The following SEM1 variants were observed in gnomAD, a reference collection of about 807,000 sequenced individuals.
SEM1 encodes the protein 26S proteasome complex subunit SEM1.
In SEM1, 3 loss-of-function variants were observed where a neutral mutation model predicts 12.7. The observed-to-expected ratio is 0.24, with a 90% CI of 0.11 to 0.61. The LOEUF is 0.61. SEM1 is among the 20% of genes least tolerant of loss of function. The pLI, the probability that SEM1 is intolerant of heterozygous loss-of-function variation, is 0.88. For synonymous variants in SEM1, 30 were observed against 27.8 expected (o/e 1.08, Z -0.25); for missense variants, 59 against 81.3 (o/e 0.73, Z 1.06).
chr7:96,572,944 T>A (rs760519619), intron 2 of SEM1, among the ~76,000 whole-genome samples: 1 of 152,316 alleles, frequency 6.6e-6, no homozygotes, highest in East Asian at 1.9e-4. Flanking sequence ...TCTAAGAACA[T>A]GCTTTATGAA....
At chr7:96,528,991 A>C (rs1804554330) in intron 2 of SEM1, among the ~76,000 whole-genome samples, 1 of 152,184 alleles carries the variant, frequency 6.6e-6, no homozygotes, top group Admixed American at 6.5e-5. Flanking sequence ...CTTAAGCAAC[A>C]CAAATGAAAC....
chr7:96,581,740 A>T (rs1386303094), intron 2 of SEM1, among the ~76,000 whole-genome samples: 2 of 151,886 alleles, frequency 1.3e-5, no homozygotes, highest in Non-Finnish European at 2.9e-5. Flanking sequence ...GCAACTGTGA[A>T]TGGGAGTTCA....
intron 2 of SEM1, among the ~76,000 whole-genome samples, chr7:96,585,706 T>G (rs1309933666): frequency 1.3e-5 from 2 of 151,278 alleles, no homozygotes; most frequent in Non-Finnish European, 2.9e-5. Context: ...AAGTGCAGTA[T>G]TCGGGTGGGA....
At chr7:96,667,728 T>G (rs1789207969) in intron 2 of SEM1, among the ~76,000 whole-genome samples, 1 of 152,184 alleles carries the variant, frequency 6.6e-6, no homozygotes, top group Admixed American at 6.5e-5. Context: ...GAGAACCACA[T>G]TGCTAAATCA....
chr7:96,666,854 C>G (rs1005352276), intron 2 of SEM1, among the ~76,000 whole-genome samples: 1 of 152,112 alleles, frequency 6.6e-6, no homozygotes, highest in Non-Finnish European at 1.5e-5. Context: ...GCACCCACCT[C>G]AGGGCTGTTC....
intron 2 of SEM1, among the ~76,000 whole-genome samples, chr7:96,600,693 A>G (rs1343612400): frequency 6.6e-6 from 1 of 152,178 alleles, no homozygotes; most frequent in Non-Finnish European, 1.5e-5. Flanking sequence ...CGGTAATGAC[A>G]TCCTGACAGG....
chr7:96,561,260 C>A (rs1272567776), intron 2 of SEM1, among the ~76,000 whole-genome samples: 2 of 152,172 alleles, frequency 1.3e-5, no homozygotes, highest in East Asian at 1.9e-4. Flanking sequence ...CAAATGAAAT[C>A]TGCAGAACTA....
chr7:96,582,887 C>T (rs573285014), intron 2 of SEM1, among the ~76,000 whole-genome samples: 3,504 of 152,120 alleles, frequency 0.023, 127 homozygotes, highest in African/African-American at 0.08. Flanking sequence ...GTCTTGCTAG[C>T]GATCTATCAA....
intron 2 of SEM1, among the ~76,000 whole-genome samples, chr7:96,662,546 C>A (rs1484705976): frequency 1.3e-5 from 2 of 152,090 alleles, no homozygotes; most frequent in African/African-American, 4.8e-5. Context: ...GGAGGCAGAG[C>A]ATTAGGAGAA....
At chr7:96,580,995 T>C (rs918109705) in intron 2 of SEM1, among the ~76,000 whole-genome samples, 32 of 152,242 alleles carry the variant, frequency 2.1e-4, no homozygotes, top group Admixed American at 5.9e-4. Flanking sequence ...TTGTCAATTT[T>C]GTCTTTTGTT....
At chr7:96,483,740 G>A in exon 4 of SEM1, 2 of 1,313,170 alleles carry the variant, frequency 1.5e-6, no homozygotes, top group East Asian at 2.5e-5. Flanking sequence ...AAGCTAGGAA[G>A]TATAGTTCTA....
intron 2 of SEM1, among the ~76,000 whole-genome samples, chr7:96,594,717 T>C (rs894544924): frequency 1.3e-5 from 2 of 152,190 alleles, no homozygotes; most frequent in African/African-American, 4.8e-5. Context: ...AGAATTTCTT[T>C]TCAGTATTCT....
chr7:96,622,004 C>A (rs1807908419), downstream of SEM1: 1 of 152,298 alleles, frequency 6.6e-6, no homozygotes, highest in Admixed American at 6.5e-5. Flanking sequence ...ACCAGTTACC[C>A]TCAGAGGGGA....
rs572251207 is a variant in SEM1, at chr7:96,673,532, C to T, written c.*228G>A. On this transcript the variant is annotated 3_prime_UTR_variant, in exon 3 of 3. Coordinates refer to the SEM1 transcript ENST00000413065. Reference sequence around the variant, plus strand: ...CTACAGGAAGTATCATAATCTCTTACTACCCAACAATACTGCAGTATGCTA... The same window carrying T: ...CTACAGGAAGTATCATAATCTCTTATTACCCAACAATACTGCAGTATGCTA... 5.7e-6 allele frequency: 3 copies of T among 529,736 alleles called. No homozygotes were observed. In the South Asian group the frequency reaches 7.8e-5, roughly 14 times the overall value. The allele number at this position is 529,736 out of a possible 1,614,324, so 32.8% of individuals were successfully genotyped here. A position where few individuals can be genotyped will look rare whatever the true frequency, so the allele number is the denominator to read the frequency against.
rs959657345 is a variant in SEM1, at chr7:96,639,741, T to TA, written c.171-17099dup. ...ACTGATAAGCTGAACTTCATTAAAA[T>TA]AAAAAAAAATTCTGTTCTGTAAAAT... On this transcript the variant is annotated intron_variant, in intron 2 of 2. Transcript: ENST00000417009. Among the ~76,000 whole-genome samples the TA allele has an allele frequency of 2.4e-4, 36 of 150,848 alleles. 1 individual carries two copies. Among genetic ancestry groups the TA allele is most frequent in the Middle Eastern group, 3.2e-3 (1 of 316 alleles).
At chr7:96,705,682 T>C (rs924704151) in intron 1 of SEM1, among the ~76,000 whole-genome samples, 1 of 151,770 alleles carries the variant, frequency 6.6e-6, no homozygotes, top group Non-Finnish European at 1.5e-5. Context: ...TAGCCGGGCG[T>C]GGTGACGGGC....
chr7:96,615,660 AG>A (rs1486637641), intron 2 of SEM1, among the ~76,000 whole-genome samples: 2 of 152,366 alleles, frequency 1.3e-5, no homozygotes, highest in East Asian at 3.9e-4. Flanking sequence ...ATTGCGTAGT[AG>A]AGAAGCCTTG....
At chr7:96,648,023 T>A (rs760761833) in intron 2 of SEM1, among the ~76,000 whole-genome samples, 6 of 152,198 alleles carry the variant, frequency 3.9e-5, no homozygotes, top group Non-Finnish European at 7.3e-5. Flanking sequence ...GCTGAAAGGA[T>A]CTTAAGTGTA....
In SEM1 at chr7:96,640,482, A is replaced by G. The variant is rs1389976745; in HGVS notation, c.171-17839T>C. ...TGAAGGAAGCTCATCTGAAAATGCC[A>G]CATACTGTATGATTCCAACTATATG... On this transcript the variant is annotated intron_variant, in intron 2 of 2. Transcript: ENST00000417009. The surrounding 1 kb of genome is among the most constrained non-coding windows in gnomAD (Gnocchi z 4.0). Among the ~76,000 whole-genome samples the G allele has an allele frequency of 2.6e-5, 4 of 152,052 alleles. No homozygotes were observed. The highest frequency in any genetic ancestry group is 4.4e-5 in the Non-Finnish European group (3 of 67,958).
Sources: gnomAD v4.1 joint callset for allele counts (sites outside exome capture counted in the v4.1 genomes callset) on GRCh38, gnomAD v4.1.1 for gene constraint, Gnocchi (gnomAD v3.1) non-coding constraint, MANE v1.5 for transcripts, NCBI Gene and HGNC (gene_info 2026-07-23, HGNC 2026-07-21) for gene names.